The following OR2L3 variants were observed in gnomAD, a reference collection of about 807,000 sequenced individuals.
The protein encoded by OR2L3 is olfactory receptor 2L3.
For missense variants in OR2L3, 369 were observed against 376.6 expected (o/e 0.98, Z 0.17); for synonymous variants, 131 against 139.1 (o/e 0.94, Z 0.41).
rs1382795015 is a variant in OR2L3, at chr1:248,061,218, T to A, written c.537T>A (p.Asp179Glu). The A allele has an allele frequency of 2.5e-6, 4 of 1,611,746 alleles. No homozygotes were observed. The highest frequency in any genetic ancestry group is 2.5e-6 in the Non-Finnish European group (3 of 1,179,564). ...GGGCCATCAATCATTTCTTCTGTGA[T>A]GTCCCAGCAATGGTGACTCTGGCCT... is the stretch of plus-strand genomic sequence containing the variant. ...QSRAINHFFC[D>E]VPAMVTLACM... The change falls in exon 2 of 2, where the codon GAT becomes GAA. Residue 179 changes from aspartate to glutamate, a missense_variant. Physicochemically the swap from Asp to Glu is conservative, Grantham distance 45. Transcript: ENST00000359959.
intron 1 of OR2L3, among the ~76,000 whole-genome samples, chr1:248,051,718 C>T (rs111237161): frequency 0.038 from 5,851 of 152,142 alleles, 385 homozygotes; most frequent in African/African-American, 0.13. Flanking sequence ...CACGATTGTA[C>T]TCCCTGAATA....
intron 1 of OR2L3, among the ~76,000 whole-genome samples, chr1:248,053,174 A>G (rs1380709687): frequency 6.6e-6 from 1 of 152,096 alleles, no homozygotes; most frequent in Non-Finnish European, 1.5e-5. Context: ...TTCATTGTTC[A>G]GCTCCCACTT....
At position 248,062,737 on chromosome 1, in the gene OR2L3, G is replaced by A. The variant is rs1348518062; in HGVS notation, c.*1117G>A. The A allele has an allele frequency of 6.6e-6, 1 of 152,094 alleles. No homozygotes were observed. Among genetic ancestry groups the A allele is most frequent in the Non-Finnish European group, 1.5e-5 (1 of 67,996 alleles). 9.4% of individuals were successfully genotyped at this position (152,094 alleles called of 1,614,324 possible). A position where few individuals can be genotyped will look rare whatever the true frequency, so the allele number is the denominator to read the frequency against. ...AAAGAATAACTGAAAGAGTGGAATT[G>A]GAATGTTCCCAACACAAAGAAATAA... On this transcript the variant is annotated 3_prime_UTR_variant, in exon 2 of 2. Transcript: ENST00000359959.
At chr1:248,047,568 C>T (rs1381666533) in intron 1 of OR2L3, among the ~76,000 whole-genome samples, 3 of 152,260 alleles carry the variant, frequency 2.0e-5, no homozygotes, top group South Asian at 2.1e-4. Context: ...TTTGTTTTTA[C>T]ACGCAACTTG....
intron 1 of OR2L3, chr1:248,055,890 A>G (rs117876449): frequency 1.3e-5 from 2 of 149,630 alleles, no homozygotes; most frequent in East Asian, 4.0e-4. Flanking sequence ...GCTGTAATCC[A>G]TCTGAACCTG....
chr1:248,047,969 A>G (rs1663133824), intron 1 of OR2L3, among the ~76,000 whole-genome samples: 1 of 152,228 alleles, frequency 6.6e-6, no homozygotes, highest in South Asian at 2.1e-4. Context: ...ATTCAGCAAC[A>G]AAAGCTTACA....
chr1:248,062,496 T>C lies in OR2L3; in HGVS notation c.*876T>C, dbSNP rs1014697242. ...GAAAGGTTTTGCTTGTTCTCACTCC[T>C]ATGCGAGAGCTAGAATTTTTAAAAA... On this transcript the variant is annotated 3_prime_UTR_variant, in exon 2 of 2. Coordinates refer to ENST00000359959, the MANE Select transcript of OR2L3 (RefSeq NM_001004687.2). The C allele has an allele frequency of 1.6e-4, 25 of 152,284 alleles. No homozygotes were observed. In the East Asian group the frequency reaches 4.1e-3, roughly 25 times the overall value. 9.4% of individuals were successfully genotyped at this position (152,284 alleles called of 1,614,324 possible).
In OR2L3 at chr1:248,060,678, C is replaced by T. The variant is rs370396919; in HGVS notation, c.-4C>T. ...CCCTTCAGGAAAGAGCACACGAATG[C>T]CCCATGGAAAATTACAATCAAACAT... On this transcript the variant is annotated 5_prime_UTR_variant, in exon 2 of 2. Transcript: ENST00000359959. The T allele has an allele frequency of 5.0e-6, 8 of 1,607,126 alleles. No individual in the cohort carries two copies. The highest frequency in any genetic ancestry group is 2.7e-5 in the African/African-American group (2 of 74,784).
At chr1:248,053,309 A>G (rs1476357448) in intron 1 of OR2L3, among the ~76,000 whole-genome samples, 1 of 152,164 alleles carries the variant, frequency 6.6e-6, no homozygotes, top group Non-Finnish European at 1.5e-5. Flanking sequence ...GCTGTATAGT[A>G]TTCCATTGTG....
At chr1:248,055,508 C>A (rs749267816) in intron 1 of OR2L3, among the ~76,000 whole-genome samples, 41 of 152,134 alleles carry the variant, frequency 2.7e-4, no homozygotes, top group Non-Finnish European at 6.0e-4. Flanking sequence ...GTAATCCCAG[C>A]ACTCTGGAAG....
rs765082608 is a variant in OR2L3, at chr1:248,060,694, A to T, written c.13A>T (p.Asn5Tyr). Reference sequence around the variant, plus strand: ...ACACGAATGCCCCATGGAAAATTACAATCAAACATCAACTGATTTCATCTT... The same window carrying T: ...ACACGAATGCCCCATGGAAAATTACTATCAAACATCAACTGATTTCATCTT... MENY[N>Y]QTSTDFILLG... The change falls in exon 2 of 2, where the codon AAT becomes TAT. Residue 5 changes from asparagine to tyrosine, a missense_variant. By Grantham distance (143) the Asn-to-Tyr change is moderately radical (BLOSUM62 -2). Coordinates refer to ENST00000359959, the MANE Select transcript of OR2L3 (RefSeq NM_001004687.2). 1 of 1,612,376 alleles carries T rather than the reference A, an allele frequency of 6.2e-7. No homozygotes were observed. Among genetic ancestry groups the T allele is most frequent in the South Asian group, 1.1e-5 (1 of 90,948 alleles).
chr1:248,048,988 A>T (rs1663173199), intron 1 of OR2L3, among the ~76,000 whole-genome samples: 1 of 150,182 alleles, frequency 6.7e-6, no homozygotes, highest in Non-Finnish European at 1.5e-5. Flanking sequence ...ACCAACTTTA[A>T]GGAGACCAGC....
At chr1:248,056,679 T>TG (rs1019625810) in intron 1 of OR2L3, among the ~76,000 whole-genome samples, 9 of 149,926 alleles carry the variant, frequency 6.0e-5, no homozygotes, top group Non-Finnish European at 1.0e-4. Context: ...GGGCTTTTTT[T>TG]TTTTTTTTAG....
In OR2L3 at chr1:248,061,186, C is replaced by T. The variant is rs1259636120; in HGVS notation, c.505C>T (p.Gln169Ter). The part of the protein sequence containing the change: ...TVYVLHIPYC[Q>*]SRAINHFFCD... ...ATATGTACTCCATATTCCTTATTGC[C>T]AATCCAGGGCCATCAATCATTTCTT... is the stretch of plus-strand genomic sequence containing the variant. Residue 169 changes from glutamine (Q) to a stop codon, truncating the protein, a stop_gained, in exon 2 of 2, where the codon CAA becomes TAA. Coordinates refer to ENST00000359959, the MANE Select transcript of OR2L3 (RefSeq NM_001004687.2). LOFTEE classifies it low-confidence loss of function (END_TRUNC). 6.2e-7 allele frequency: 1 copy of T among 1,612,520 alleles called. No homozygotes were observed. Among genetic ancestry groups the T allele is most frequent in the African/African-American group, 1.3e-5 (1 of 74,180 alleles).
At chr1:248,051,701 A>C (rs139777748) in intron 1 of OR2L3, among the ~76,000 whole-genome samples, 1 of 152,168 alleles carries the variant, frequency 6.6e-6, no homozygotes, top group Non-Finnish European at 1.5e-5. Flanking sequence ...ATATCCATGT[A>C]ACAAACCACG....
chr1:248,058,490 T>C (rs1207189033), intron 1 of OR2L3, among the ~76,000 whole-genome samples: 1 of 152,150 alleles, frequency 6.6e-6, no homozygotes, highest in Non-Finnish European at 1.5e-5. Flanking sequence ...ATGGAATTTA[T>C]TGCTACAATA....
In OR2L3 at chr1:248,061,459, C is replaced by T. The variant is rs765931236; in HGVS notation, c.778C>T (p.Arg260Cys). The change falls in exon 2 of 2, where the codon CGT becomes TGT. Residue 260 changes from arginine to cysteine, a missense_variant. Coordinates refer to ENST00000359959, the MANE Select transcript of OR2L3 (RefSeq NM_001004687.2). ...YYAPFVYTYL[R>C]PRSLRSPTED... ...TGCACCTTTTGTCTACACTTATCTA[C>T]GTCCAAGATCCCTGCGATCTCCAAC... The T allele has an allele frequency of 2.8e-5, 45 of 1,613,930 alleles. No homozygotes were observed. The highest frequency in any genetic ancestry group is 3.3e-4 in the Middle Eastern group (2 of 6,080).
Position 248,061,786 on chromosome 1 carries a change from T to C in OR2L3, c.*166T>C. ...AAATTGTTTTACATATATATGTATA[T>C]ATAACTCCAAACAACCTTTTTTCTT... On this transcript the variant is annotated 3_prime_UTR_variant, in exon 2 of 2. Coordinates refer to ENST00000359959, the MANE Select transcript of OR2L3 (RefSeq NM_001004687.2). 1.9e-6 allele frequency: 1 copy of C among 528,326 alleles called. No individual in the cohort carries two copies. Among genetic ancestry groups the C allele is most frequent in the East Asian group, 3.1e-5 (1 of 32,382 alleles). 32.7% of individuals were successfully genotyped at this position (528,326 alleles called of 1,614,324 possible).
At chr1:248,051,050 CTG>C (rs1437137964) in intron 1 of OR2L3, 1 of 152,168 alleles carries the variant, frequency 6.6e-6, no homozygotes, top group African/African-American at 2.4e-5. Flanking sequence ...GTGTAGAATT[CTG>C]TGTCATTAAG....
Sources: allele counts gnomAD v4.1 joint callset (sites outside exome capture counted in the v4.1 genomes callset), GRCh38; gene constraint gnomAD v4.1.1; transcripts MANE v1.5; gene names NCBI Gene and HGNC (gene_info 2026-07-23, HGNC 2026-07-21).